CWC27: variants seen among roughly 807,000 people sequenced by gnomAD.
CWC27 encodes spliceosome-associated protein CWC27 homolog.
In CWC27, 47 loss-of-function variants were observed where a neutral mutation model predicts 63.6. The ratio of observed to expected loss-of-function variants is 0.74; its 90% CI spans 0.58 to 0.94. CWC27 has a LOEUF of 0.94. CWC27 is among the 40% of genes least tolerant of loss of function. The pLI, the probability that CWC27 is intolerant of heterozygous loss-of-function variation, is 0.00. For synonymous variants in CWC27, 175 were observed against 179.8 expected (o/e 0.97, Z 0.22); for missense variants, 495 against 554.3 (o/e 0.89, Z 1.07).
chr5:64,899,613 A>G (rs1274284659), intron 11 of CWC27, among the ~76,000 whole-genome samples: 1 of 152,242 alleles, frequency 6.6e-6, no homozygotes, highest in Non-Finnish European at 1.5e-5. Context: ...ATTTGGTGGT[A>G]TGTACCAGAA....
intron 1 of CWC27, among the ~76,000 whole-genome samples, chr5:64,771,790 G>A (rs905754471): frequency 1.3e-5 from 2 of 152,190 alleles, no homozygotes; most frequent in Admixed American, 1.3e-4. Context: ...CAAAGAGAAT[G>A]TATGGCCAGA....
intron 10 of CWC27, among the ~76,000 whole-genome samples, chr5:64,863,628 A>G (rs1284244113): frequency 6.6e-6 from 1 of 151,906 alleles, no homozygotes; most frequent in African/African-American, 2.4e-5. Context: ...CCGAGTAGCT[A>G]TGACTATGGG....
intron 11 of CWC27, among the ~76,000 whole-genome samples, chr5:64,908,718 T>C (rs1018339743): frequency 6.6e-6 from 1 of 152,242 alleles, no homozygotes; most frequent in Non-Finnish European, 1.5e-5. Flanking sequence ...CTGCTTTTTT[T>C]TGTTTTCCAT....
At chr5:64,955,292 A>T (rs1311560937) in intron 11 of CWC27, among the ~76,000 whole-genome samples, 1 of 152,182 alleles carries the variant, frequency 6.6e-6, no homozygotes, top group Non-Finnish European at 1.5e-5. Context: ...GAAGTAGATT[A>T]AACAAATATT....
intron 11 of CWC27, among the ~76,000 whole-genome samples, chr5:64,889,626 A>C (rs1488960501): frequency 6.6e-6 from 1 of 152,206 alleles, no homozygotes; most frequent in Non-Finnish European, 1.5e-5. Flanking sequence ...ATGGTTAACA[A>C]TCATAAAAGC....
At chr5:64,824,836 G>T (rs1286624403) in intron 10 of CWC27, among the ~76,000 whole-genome samples, 4 of 148,486 alleles carry the variant, frequency 2.7e-5, no homozygotes, top group Non-Finnish European at 4.4e-5. Flanking sequence ...AGGTTCAAGA[G>T]ATTCTCCTGC....
intron 13 of CWC27, among the ~76,000 whole-genome samples, chr5:64,986,444 G>C (rs1407507396): frequency 6.6e-6 from 1 of 152,140 alleles, no homozygotes; most frequent in African/African-American, 2.4e-5. Flanking sequence ...CTGATATTTT[G>C]TTGAGGATAT....
chr5:64,911,202 A>C (rs1463003475), intron 11 of CWC27, among the ~76,000 whole-genome samples: 2 of 152,110 alleles, frequency 1.3e-5, no homozygotes, highest in Non-Finnish European at 2.9e-5. Flanking sequence ...ATTCCATTTT[A>C]TCTCTCTCTT....
rs1272205882 is a variant in CWC27 at position 64,971,690 on chromosome 5, T to C, written c.1043-13T>C. On this transcript the variant is annotated splice_polypyrimidine_tract_variant and intron_variant, in intron 11 of 13. Transcript: ENST00000381070. Reference sequence around the variant, plus strand: ...TTTACTGCTTATTCTAAAAATATTCTACTATTCTTTAGAGGAAGAAGCCCC... The same window carrying C: ...TTTACTGCTTATTCTAAAAATATTCCACTATTCTTTAGAGGAAGAAGCCCC... 6.4e-7 allele frequency: 1 copy of C among 1,556,026 alleles called. No individual in the cohort carries two copies. Among genetic ancestry groups the C allele is most frequent in the Admixed American group, 1.9e-5 (1 of 52,528 alleles).
rs1042801307 is a variant in CWC27 at position 64,964,640 on chromosome 5, C to G, written c.1043-7063C>G. ...GGGAACATCTGCTTTAATTTTATAG[C>G]TGTTTGTGAGAAAATTATCACAAGG... On this transcript the variant is annotated intron_variant, in intron 11 of 13. Coordinates refer to ENST00000381070, the MANE Select transcript of CWC27 (RefSeq NM_005869.4). Among the ~76,000 whole-genome samples, 3 of 152,118 alleles carry G rather than the reference C, an allele frequency of 2.0e-5. No homozygotes were observed. The South Asian group carries it at 6.2e-4, about 32-fold the overall frequency.
At chr5:64,961,462 T>G (rs1391527924) in intron 11 of CWC27, among the ~76,000 whole-genome samples, 1 of 152,156 alleles carries the variant, frequency 6.6e-6, no homozygotes, top group African/African-American at 2.4e-5. Context: ...TTTTTTTAAT[T>G]TTATTTTAAC....
At chr5:64,962,466 G>C (rs1748931110) in intron 11 of CWC27, among the ~76,000 whole-genome samples, 2 of 152,084 alleles carry the variant, frequency 1.3e-5, no homozygotes, top group African/African-American at 4.8e-5. Flanking sequence ...TCTCACATTT[G>C]GATGGAAGAT....
chr5:64,950,308 G>T (rs1748679735), intron 11 of CWC27, among the ~76,000 whole-genome samples: 1 of 150,762 alleles, frequency 6.6e-6, no homozygotes, highest in African/African-American at 2.4e-5. Flanking sequence ...ACACATATAA[G>T]TGTTTTTTTT....
intron 10 of CWC27, among the ~76,000 whole-genome samples, chr5:64,880,726 A>T (rs182978686): frequency 9.9e-5 from 15 of 152,042 alleles, no homozygotes; most frequent in Non-Finnish European, 1.8e-4. Context: ...TAGATAAAAA[A>T]TATATTCAAT....
intron 3 of CWC27, among the ~76,000 whole-genome samples, chr5:64,782,447 C>CAAATAAATAAAT (rs67366377): frequency 0.12 from 16,682 of 139,690 alleles, 1,271 homozygotes; most frequent in African/African-American, 0.2. Flanking sequence ...GACTCCGTCT[C>CAAATAAATAAAT]AAATAAATAA....
At chr5:64,800,158 C>T (rs1580614308) in intron 7 of CWC27, 90 bp from the exon 8 acceptor site, 2 of 829,876 alleles carry the variant, frequency 2.4e-6, no homozygotes, top group African/African-American at 3.5e-5. Flanking sequence ...CATATTATAT[C>T]ATTGCTAGGT....
At chr5:64,841,121 T>G (rs1470354447) in intron 10 of CWC27, among the ~76,000 whole-genome samples, 2 of 152,226 alleles carry the variant, frequency 1.3e-5, no homozygotes, top group Non-Finnish European at 2.9e-5. Context: ...GAAGTTTGTT[T>G]GGCTTTATAG....
intron 11 of CWC27, among the ~76,000 whole-genome samples, chr5:64,896,731 C>T (rs1311727994): frequency 6.7e-6 from 1 of 149,882 alleles, no homozygotes; most frequent in African/African-American, 2.4e-5. Flanking sequence ...TAAACATGGA[C>T]TGGCAGGATA....
chr5:64,896,520 C>T (rs1747379891), intron 11 of CWC27, among the ~76,000 whole-genome samples: 1 of 151,974 alleles, frequency 6.6e-6, no homozygotes, highest in Admixed American at 6.6e-5. Flanking sequence ...GAAAAGCATT[C>T]TACGGCCCTT....
Sources: gnomAD v4.1 joint callset for allele counts (sites outside exome capture counted in the v4.1 genomes callset) on GRCh38, gnomAD v4.1.1 for gene constraint, MANE v1.5 for transcripts, NCBI Gene and HGNC (gene_info 2026-07-23, HGNC 2026-07-21) for gene names.